Variants in UNC5A observed in about 807,000 individuals in gnomAD.
The protein encoded by UNC5A is unc-5 netrin receptor A.
A neutral mutation model predicts 87.4 loss-of-function variants in UNC5A; 20 were observed. The observed-to-expected ratio is 0.23, with a 90% CI of 0.16 to 0.33. The LOEUF (loss-of-function observed/expected upper bound fraction) is 0.33. Ranked by LOEUF, UNC5A falls within the 10% of genes least tolerant of loss-of-function variation. UNC5A has a pLI of 1.00. For synonymous variants in UNC5A, 438 were observed against 482.3 expected (o/e 0.91, Z 1.20); for missense variants, 844 against 1,133.4 (o/e 0.74, Z 3.67).
At chr5:176,832,916 A>G (rs1757062927) in intron 1 of UNC5A, among the ~76,000 whole-genome samples, 2 of 152,190 alleles carry the variant, frequency 1.3e-5, no homozygotes, top group African/African-American at 4.8e-5. Flanking sequence ...GGAGGCAGGG[A>G]CAGAACTGGA....
intron 1 of UNC5A, among the ~76,000 whole-genome samples, chr5:176,857,887 G>A (rs1757705386): frequency 6.6e-6 from 1 of 152,236 alleles, no homozygotes; most frequent in East Asian, 1.9e-4. Context: ...CAGTGGGAAA[G>A]CTGTGACATG....
At chr5:176,831,885 C>CTTTTTTT (rs10580672) in intron 1 of UNC5A, among the ~76,000 whole-genome samples, 4 of 27,700 alleles carry the variant, frequency 1.4e-4, no homozygotes, top group African/African-American at 2.4e-4. Flanking sequence ...TTCTCTCTCT[C>CTTTTTTT]TTTTTTTTTT....
chr5:176,845,279 G>C (rs983426323), intron 1 of UNC5A, among the ~76,000 whole-genome samples: 1 of 152,160 alleles, frequency 6.6e-6, no homozygotes, highest in African/African-American at 2.4e-5. Flanking sequence ...CCTCGTCCCT[G>C]CTCAAGTCTT....
chr5:176,864,727 G>A (rs56388407), intron 2 of UNC5A: 7,159 of 409,274 alleles, frequency 0.017, 363 homozygotes, highest in African/African-American at 0.12. Flanking sequence ...TCAGGTGTTC[G>A]CTGAGCACCT....
intron 6 of UNC5A, among the ~76,000 whole-genome samples, chr5:176,871,056 GC>G: frequency 3.3e-4 from 1 of 3,030 alleles, no homozygotes. Flanking sequence ...GCCCACACTC[GC>G]CCCACACCAC....
chr5:176,864,859 C>T (rs1315412077), intron 2 of UNC5A: 1 of 455,830 alleles, frequency 2.2e-6, no homozygotes, highest in Non-Finnish European at 4.4e-6. Context: ...CCAACAGAAC[C>T]CTGGGCACCA....
chr5:176,865,139 C>G lies in UNC5A; in HGVS notation c.292+2294C>G, dbSNP rs1325395497. Among the ~76,000 whole-genome samples, 4 of 152,214 alleles carry G rather than the reference C, an allele frequency of 2.6e-5. No individual in the cohort carries two copies. Among genetic ancestry groups the G allele is most frequent in the Admixed American group, 2.6e-4 (4 of 15,292 alleles). ...CACGGGGCCTTTCCTTTCTCCCCAC[C>G]CCACACCCGGGGCCCAGCGTCCCTT... On this transcript the variant is annotated intron_variant, in intron 2 of 14. Coordinates refer to ENST00000329542, the MANE Select transcript of UNC5A (RefSeq NM_133369.3). This position sits in a 1 kb window ranked among gnomAD's most constrained non-coding sequence, Gnocchi z 5.3.
chr5:176,819,728 G>A (rs575049243), intron 1 of UNC5A, among the ~76,000 whole-genome samples: 4 of 152,342 alleles, frequency 2.6e-5, no homozygotes, highest in African/African-American at 9.6e-5. Flanking sequence ...GACAAGGGTA[G>A]GATTATGCAG....
At chr5:176,835,728 G>GGT (rs1444755132) in intron 1 of UNC5A, among the ~76,000 whole-genome samples, 6 of 63,588 alleles carry the variant, frequency 9.4e-5, no homozygotes, top group Admixed American at 5.8e-4. Flanking sequence ...TTTGATAAAG[G>GGT]ATGTGTGTGT....
intron 1 of UNC5A, among the ~76,000 whole-genome samples, chr5:176,847,790 C>T (rs1757450006): frequency 6.6e-6 from 1 of 152,144 alleles, no homozygotes; most frequent in Non-Finnish European, 1.5e-5. Flanking sequence ...TTCAAGAGCC[C>T]CTAAATCTTC....
In UNC5A at chr5:176,838,048, T is replaced by C. The variant is rs1757187925; in HGVS notation, c.71-24576T>C. Reference sequence around the variant, plus strand: ...ACGGAATAGTCAAAAACTTGCCCTTTGGAGCCTCCATTCTTTGTGGTGGGG... The same window carrying C: ...ACGGAATAGTCAAAAACTTGCCCTTCGGAGCCTCCATTCTTTGTGGTGGGG... On this transcript the variant is annotated intron_variant, in intron 1 of 14. Transcript: ENST00000329542. The surrounding 1 kb of genome is among the most constrained non-coding windows in gnomAD (Gnocchi z 4.2). Among the ~76,000 whole-genome samples, 1 of 152,246 alleles carries C rather than the reference T, an allele frequency of 6.6e-6. No individual in the cohort carries two copies. The highest frequency in any genetic ancestry group is 6.5e-5 in the Admixed American group (1 of 15,288).
intron 1 of UNC5A, among the ~76,000 whole-genome samples, chr5:176,829,019 C>T (rs1756922028): frequency 1.3e-5 from 2 of 151,664 alleles, no homozygotes; most frequent in Admixed American, 1.3e-4. Flanking sequence ...TCCAGCCACT[C>T]AGGAGGCTGA....
At position 176,865,362 on chromosome 5, in the gene UNC5A, A is replaced by G. The variant is rs1757948816; in HGVS notation, c.292+2517A>G. On this transcript the variant is annotated intron_variant, in intron 2 of 14. Transcript: ENST00000329542. The surrounding 1 kb of genome is among the most constrained non-coding windows in gnomAD (Gnocchi z 5.3). ...GATCCATGGACTGGCAGGAACCCAG[A>G]CCCTTGCCTGAATGAGCAGTCGCAG... 3 of 347,396 alleles carry G rather than the reference A, an allele frequency of 8.6e-6. No homozygotes were observed. Among genetic ancestry groups the G allele is most frequent in the Admixed American group, 7.8e-5 (2 of 25,708 alleles). 21.5% of individuals were successfully genotyped at this position (347,396 alleles called of 1,614,324 possible). A position where few individuals can be genotyped will look rare whatever the true frequency, so the allele number is the denominator to read the frequency against.
In UNC5A at chr5:176,877,571, C is replaced by T; in HGVS notation, c.1503C>T (p.Pro501=). 1 of 1,610,242 alleles carries T rather than the reference C, an allele frequency of 6.2e-7. No individual in the cohort carries two copies. The highest frequency in any genetic ancestry group is 8.5e-7 in the Non-Finnish European group (1 of 1,178,064). The part of the protein sequence containing the change: ...PLAGCQTLLS[P]IVSCGPPGVL... ...CTGGCTGTCAGACCCTGCTGAGTCC[C>T]ATCGTTAGCTGTGGACCCCCTGGCG... The change falls in exon 10 of 15, where the codon CCC becomes CCT. Residue 501 remains proline (P), a synonymous_variant. Coordinates refer to ENST00000329542, the MANE Select transcript of UNC5A (RefSeq NM_133369.3).
chr5:176,861,514 G>A (rs1176979393), intron 1 of UNC5A, among the ~76,000 whole-genome samples: 1 of 152,222 alleles, frequency 6.6e-6, no homozygotes, highest in African/African-American at 2.4e-5. Context: ...AGGAGCGAAA[G>A]GGGCAGTGGG....
rs536010103 is a variant in UNC5A at position 176,837,828 on chromosome 5, G to T, written c.71-24796G>T. On this transcript the variant is annotated intron_variant, in intron 1 of 14. Transcript: ENST00000329542. ...CAGATAGCGGTCCTGGACGTGGCACGCTTTCAGCACCGTGGACAGCCCCAG... is the reference window on the plus strand; with the variant it reads ...CAGATAGCGGTCCTGGACGTGGCACTCTTTCAGCACCGTGGACAGCCCCAG... Among the ~76,000 whole-genome samples, 8 of 151,548 alleles carry T rather than the reference G, an allele frequency of 5.3e-5. No individual in the cohort carries two copies. In the South Asian group the frequency reaches 1.7e-3, roughly 32 times the overall value.
At chr5:176,878,718 C>G (rs950260222) in intron 13 of UNC5A, 79 bp downstream of exon 13, 38 of 1,507,192 alleles carry the variant, frequency 2.5e-5, no homozygotes, top group Non-Finnish European at 3.2e-5. Flanking sequence ...CGCTCCTGCC[C>G]TGCCTGCCCT....
At chr5:176,846,369 G>A (rs480782) in intron 1 of UNC5A, among the ~76,000 whole-genome samples, 120,637 of 151,286 alleles carry the variant, frequency 0.8, 50,832 homozygotes, top group East Asian at 1. Flanking sequence ...TGGGTGGGGG[G>A]AGCTGAGTAG....
At chr5:176,854,615 T>C (rs1399774378) in intron 1 of UNC5A, among the ~76,000 whole-genome samples, 2 of 152,132 alleles carry the variant, frequency 1.3e-5, no homozygotes, top group Non-Finnish European at 2.9e-5. Flanking sequence ...GAGGGGTTCA[T>C]TGGTTGATTG....
Sources: allele counts gnomAD v4.1 joint callset (sites outside exome capture counted in the v4.1 genomes callset), GRCh38; gene constraint gnomAD v4.1.1; non-coding constraint Gnocchi (gnomAD v3.1); transcripts MANE v1.5; gene names NCBI Gene and HGNC (gene_info 2026-07-23, HGNC 2026-07-21).